CNTNAP2: variants seen among roughly 807,000 people sequenced by gnomAD.
CNTNAP2 encodes contactin associated protein 2.
CNTNAP2 carries 98 observed loss-of-function variants against 155.2 expected under a neutral mutation model. The ratio of observed to expected loss-of-function variants is 0.63; its 90% CI spans 0.54 to 0.75. The LOEUF (loss-of-function observed/expected upper bound fraction) is 0.75, where lower values mean the gene tolerates loss of function less well. CNTNAP2 is among the 30% of genes least tolerant of loss of function. CNTNAP2 has a pLI of 0.00. For synonymous variants in CNTNAP2, 651 were observed against 631.2 expected, an observed-to-expected ratio of 1.03 and a Z score of -0.47; for missense variants, 1,727 against 1,688.1, an observed-to-expected ratio of 1.02 and a Z score of -0.40.
chr7:147,666,360 C>T (rs1584887983), intron 13 of CNTNAP2, among the ~76,000 whole-genome samples: 1 of 152,258 alleles, frequency 6.6e-6, no homozygotes, highest in South Asian at 2.1e-4. Context: ...AGTGATGTCC[C>T]AGCTGTCGTA....
At chr7:147,891,230 A>T (rs1193328647) in intron 13 of CNTNAP2, among the ~76,000 whole-genome samples, 1 of 150,016 alleles carries the variant, frequency 6.7e-6, no homozygotes, top group Non-Finnish European at 1.5e-5. Context: ...TTTGAGACGG[A>T]GTCTCACTCT....
chr7:148,099,815 A>C, intron 15 of CNTNAP2, among the ~76,000 whole-genome samples: 1 of 130,564 alleles, frequency 7.7e-6, no homozygotes, highest in African/African-American at 3.0e-5. Flanking sequence ...TGCCCCTCCC[A>C]TCCCTGTCAG....
chr7:146,824,941 G>C (rs1186725909), intron 2 of CNTNAP2, among the ~76,000 whole-genome samples: 2 of 150,218 alleles, frequency 1.3e-5, no homozygotes, highest in Non-Finnish European at 3.0e-5. Context: ...ACCAGTTTCA[G>C]CTTGCCCTAT....
At chr7:147,924,705 G>T (rs1800353674) in intron 14 of CNTNAP2, among the ~76,000 whole-genome samples, 1 of 152,120 alleles carries the variant, frequency 6.6e-6, no homozygotes, top group African/African-American at 2.4e-5. Flanking sequence ...AGAGAAGGAG[G>T]CATGGAGAAA....
chr7:147,055,403 A>G (rs549475622), intron 4 of CNTNAP2, among the ~76,000 whole-genome samples: 1 of 152,324 alleles, frequency 6.6e-6, no homozygotes, highest in East Asian at 1.9e-4. Flanking sequence ...ATGAAAGAAG[A>G]AAAAGCCTGA....
intron 1 of CNTNAP2, among the ~76,000 whole-genome samples, chr7:146,179,406 C>T (rs1318900216): frequency 2.0e-5 from 3 of 151,892 alleles, no homozygotes; most frequent in Non-Finnish European, 2.9e-5. Flanking sequence ...AGAAATATAA[C>T]CTAGAAAGTC....
chr7:148,075,868 T>C (rs1017958723), intron 15 of CNTNAP2, among the ~76,000 whole-genome samples: 1 of 152,200 alleles, frequency 6.6e-6, no homozygotes, highest in Non-Finnish European at 1.5e-5. Flanking sequence ...ATTCAAATAT[T>C]GTTATCAAAG....
At chr7:148,084,570 T>G (rs922774429) in intron 15 of CNTNAP2, among the ~76,000 whole-genome samples, 1 of 152,190 alleles carries the variant, frequency 6.6e-6, no homozygotes, top group Non-Finnish European at 1.5e-5. Context: ...TCTTTCCTCT[T>G]TTTTGCTATG....
At chr7:148,038,756 A>G (rs1241589910) in intron 15 of CNTNAP2, among the ~76,000 whole-genome samples, 1 of 151,802 alleles carries the variant, frequency 6.6e-6, no homozygotes, top group Admixed American at 6.6e-5. Flanking sequence ...AACTGACTCC[A>G]TTAAAGCAAG....
At chr7:146,659,752 A>C (rs1800055690) in intron 1 of CNTNAP2, among the ~76,000 whole-genome samples, 1 of 152,268 alleles carries the variant, frequency 6.6e-6, no homozygotes, top group East Asian at 1.9e-4. Context: ...TGGGAAACGA[A>C]CATTAAAGGA....
chr7:148,400,998 T>C (rs113243344), intron 22 of CNTNAP2, among the ~76,000 whole-genome samples: 3 of 152,028 alleles, frequency 2.0e-5, no homozygotes, highest in African/African-American at 7.2e-5. Flanking sequence ...AAAAAAGATT[T>C]GTTATGCTGG....
intron 3 of CNTNAP2, among the ~76,000 whole-genome samples, chr7:146,864,990 TAAAA>T (rs55646482): frequency 1.4e-4 from 12 of 84,028 alleles, no homozygotes; most frequent in African/African-American, 6.4e-4. Flanking sequence ...AGAGTCTATC[TAAAA>T]AAAAAAAAAA....
rs965065929 is a variant in CNTNAP2 at position 146,200,749 on chromosome 7, A to T, written c.97+83776A>T. ...TGCGCAAATGCACTCTGCGATGTTT[A>T]TATCATGGAATCCCCTGGAGGACAC... On this transcript the variant is annotated intron_variant, in intron 1 of 23. Coordinates refer to ENST00000361727, the MANE Select transcript of CNTNAP2 (RefSeq NM_014141.6). Among the ~76,000 whole-genome samples the T allele has an allele frequency of 2.0e-5, 3 of 152,060 alleles. No individual in the cohort carries two copies. The East Asian group carries it at 5.8e-4, about 29-fold the overall frequency.
At chr7:146,474,007 G>A (rs944930966) in intron 1 of CNTNAP2, among the ~76,000 whole-genome samples, 4 of 152,084 alleles carry the variant, frequency 2.6e-5, no homozygotes, top group African/African-American at 4.8e-5. Context: ...GTGGATGGCC[G>A]AGGTCATTTT....
chr7:147,262,830 G>A (rs906215366), intron 8 of CNTNAP2, among the ~76,000 whole-genome samples: 12 of 151,976 alleles, frequency 7.9e-5, no homozygotes, highest in Non-Finnish European at 1.6e-4. Context: ...ACAGGGAGAA[G>A]GTACCCAAGT....
chr7:146,716,568 C>G (rs1801192561), intron 1 of CNTNAP2, among the ~76,000 whole-genome samples: 1 of 152,156 alleles, frequency 6.6e-6, no homozygotes, highest in Admixed American at 6.6e-5. Flanking sequence ...GCCCTTTGTA[C>G]CCATCTATGT....
intron 1 of CNTNAP2, among the ~76,000 whole-genome samples, chr7:146,215,811 T>C (rs1271243517): frequency 6.6e-6 from 1 of 152,184 alleles, no homozygotes; most frequent in Admixed American, 6.5e-5. Context: ...CAGAGGGGTT[T>C]GTGTGAGCTG....
intron 1 of CNTNAP2, among the ~76,000 whole-genome samples, chr7:146,545,544 A>G (rs1181045133): frequency 6.6e-6 from 1 of 151,450 alleles, no homozygotes; most frequent in African/African-American, 2.4e-5. Flanking sequence ...CCGTCTGTCC[A>G]TGTGTTCTTA....
At position 146,151,670 on chromosome 7, in the gene CNTNAP2, ATATATATATATG is replaced by A. The variant is rs1562969021; in HGVS notation, c.97+34709_97+34720del. ...TATATATATATATATATATATATAT[ATATATATATATG>A]TATATATATATATATGTATATATAT... is the stretch of plus-strand genomic sequence containing the variant. On this transcript the variant is annotated intron_variant, in intron 1 of 23. Coordinates refer to ENST00000361727, the MANE Select transcript of CNTNAP2 (RefSeq NM_014141.6). Among the ~76,000 whole-genome samples the A allele has an allele frequency of 3.6e-3, 136 of 37,898 alleles. 8 individuals carry two copies. In the South Asian group the frequency reaches 0.079, roughly 22 times the overall value. The allele number at this position is 37,898 out of a possible 152,430, so 24.9% of individuals were successfully genotyped here. A position where few individuals can be genotyped will look rare whatever the true frequency, so the allele number is the denominator to read the frequency against.
Sources: gnomAD v4.1 joint callset for allele counts (sites outside exome capture counted in the v4.1 genomes callset) on GRCh38, gnomAD v4.1.1 for gene constraint, MANE v1.5 for transcripts, NCBI Gene and HGNC (gene_info 2026-07-23, HGNC 2026-07-21) for gene names.